The following GTF2E1 variants were observed in gnomAD, a reference collection of about 807,000 sequenced individuals.
GTF2E1 encodes TFIIE alpha subunit.
A neutral mutation model predicts 34.9 loss-of-function variants in GTF2E1; 14 were observed. That is an observed-to-expected ratio of 0.40 (90% CI 0.27 to 0.63). The LOEUF (loss-of-function observed/expected upper bound fraction) is 0.63. GTF2E1 is among the 20% of genes least tolerant of loss of function. The pLI, the probability that GTF2E1 is intolerant of heterozygous loss-of-function variation, is 0.39. For synonymous variants in GTF2E1, 188 were observed against 192.9 expected, an observed-to-expected ratio of 0.97 and a Z score of 0.21; for missense variants, 469 against 557.7, an observed-to-expected ratio of 0.84 and a Z score of 1.60.
At chr3:120,757,015 T>C (rs980818247) in intron 2 of GTF2E1, among the ~76,000 whole-genome samples, 1 of 152,230 alleles carries the variant, frequency 6.6e-6, no homozygotes. Flanking sequence ...ATTTGCTTAT[T>C]TGTGAAGAGT....
chr3:120,755,876 T>TG (rs1170049344), intron 2 of GTF2E1, among the ~76,000 whole-genome samples: 1 of 152,200 alleles, frequency 6.6e-6, no homozygotes, highest in African/African-American at 2.4e-5. Context: ...TTTATCCTTC[T>TG]GTGCCTGGCT....
At chr3:120,770,485 A>G (rs892394598) in intron 2 of GTF2E1, among the ~76,000 whole-genome samples, 1 of 152,206 alleles carries the variant, frequency 6.6e-6, no homozygotes, top group Non-Finnish European at 1.5e-5. Context: ...ATTAAAAACT[A>G]TGCTGAAGTT....
intron 2 of GTF2E1, among the ~76,000 whole-genome samples, chr3:120,754,528 G>A (rs560345578): frequency 2.6e-4 from 39 of 152,120 alleles, no homozygotes; most frequent in African/African-American, 9.4e-4. Flanking sequence ...GTATAGATAA[G>A]ATGCTTTGAA....
chr3:120,745,171 C>T (rs1310229555), intron 1 of GTF2E1, among the ~76,000 whole-genome samples: 1 of 152,148 alleles, frequency 6.6e-6, no homozygotes, highest in African/African-American at 2.4e-5. Context: ...CAAAGTGTTG[C>T]AATTACAGGT....
intron 3 of GTF2E1, among the ~76,000 whole-genome samples, chr3:120,773,387 C>G (rs1473974484): frequency 2.0e-5 from 3 of 152,030 alleles, no homozygotes; most frequent in Non-Finnish European, 4.4e-5. Flanking sequence ...GAGATGATAG[C>G]TTTTCTTTTT....
rs955340657 is a variant in GTF2E1 at position 120,782,164 on chromosome 3, T to C, written c.*694T>C. ...GCCAGGCATTCCAAACAATTTCTTA[T>C]ACTGCTGCCCACCAAAGCAGCTTGC... On this transcript the variant is annotated 3_prime_UTR_variant, in exon 5 of 5. Coordinates refer to ENST00000283875, the MANE Select transcript of GTF2E1 (RefSeq NM_005513.3). 1 of 152,216 alleles carries C rather than the reference T, an allele frequency of 6.6e-6. No individual in the cohort carries two copies. Among genetic ancestry groups the C allele is most frequent in the Non-Finnish European group, 1.5e-5 (1 of 68,044 alleles). The allele number at this position is 152,216 out of a possible 1,614,324, so 9.4% of individuals were successfully genotyped here.
intron 2 of GTF2E1, among the ~76,000 whole-genome samples, chr3:120,765,389 C>A (rs918468665): frequency 6.6e-6 from 1 of 152,086 alleles, no homozygotes; most frequent in African/African-American, 2.4e-5. Flanking sequence ...AAGACTTAGC[C>A]AAGTAAATGC....
rs777863136 is a variant in GTF2E1, at chr3:120,770,897, A to G, written c.618A>G (p.Pro206=). 6.2e-7 allele frequency: 1 copy of G among 1,613,588 alleles called. No individual in the cohort carries two copies. The highest frequency in any genetic ancestry group is 1.1e-5 in the South Asian group (1 of 91,078). ...DVNLAYEILE[P]EPTEIPALKQ... ...ACTTGGCCTATGAAATACTTGAGCC[A>G]GAACCCACAGAAATCCCAGCCCTGA... The change falls in exon 3 of 5, where the codon CCA becomes CCG. Residue 206 remains proline (P), a synonymous_variant. Transcript: ENST00000283875.
chr3:120,762,473 CTTCT>C (rs1709272683), intron 2 of GTF2E1, among the ~76,000 whole-genome samples: 1 of 152,146 alleles, frequency 6.6e-6, no homozygotes, highest in African/African-American at 2.4e-5. Context: ...ATGTAGTGGC[CTTCT>C]TTGTCTCTTT....
At chr3:120,769,272 A>C (rs1709332898) in intron 2 of GTF2E1, among the ~76,000 whole-genome samples, 2 of 151,874 alleles carry the variant, frequency 1.3e-5, no homozygotes, top group African/African-American at 4.8e-5. Flanking sequence ...ATTAAGTTAT[A>C]ATCTTTATGT....
chr3:120,753,627 G>A (rs1709185550), intron 2 of GTF2E1, among the ~76,000 whole-genome samples: 1 of 152,146 alleles, frequency 6.6e-6, no homozygotes, highest in South Asian at 2.1e-4. Flanking sequence ...ACAGGACAAA[G>A]GGTAGTAACT....
intron 2 of GTF2E1, among the ~76,000 whole-genome samples, chr3:120,753,316 CTT>C: frequency 6.6e-6 from 1 of 152,136 alleles, no homozygotes; most frequent in South Asian, 2.1e-4. Flanking sequence ...AAGGAGGGAA[CTT>C]TTTCTGCTGT....
At chr3:120,758,110 A>C (rs1356698594) in intron 2 of GTF2E1, among the ~76,000 whole-genome samples, 1 of 152,210 alleles carries the variant, frequency 6.6e-6, no homozygotes, top group African/African-American at 2.4e-5. Flanking sequence ...CAGTGAGCCA[A>C]GATCACGCCA....
At chr3:120,773,362 T>C (rs1461133955) in intron 3 of GTF2E1, among the ~76,000 whole-genome samples, 1 of 152,096 alleles carries the variant, frequency 6.6e-6, no homozygotes, top group Non-Finnish European at 1.5e-5. Flanking sequence ...ATCAATAGAA[T>C]GGTATGGGAA....
intron 1 of GTF2E1, among the ~76,000 whole-genome samples, chr3:120,749,080 G>T (rs1240634860): frequency 1.3e-5 from 2 of 152,208 alleles, no homozygotes; most frequent in East Asian, 1.9e-4. Flanking sequence ...AAGAATGCTT[G>T]TGATTTTTGT....
chr3:120,770,529 A>T (rs187874925), intron 2 of GTF2E1, among the ~76,000 whole-genome samples, 199 bp from the exon 3 acceptor site: 75 of 152,214 alleles, frequency 4.9e-4, no homozygotes, highest in African/African-American at 1.7e-3. Context: ...ATCAAAAATG[A>T]TAGATGGATA....
At chr3:120,775,726 A>G (rs566331199) in intron 3 of GTF2E1, among the ~76,000 whole-genome samples, 1 of 152,360 alleles carries the variant, frequency 6.6e-6, no homozygotes, top group African/African-American at 2.4e-5. Flanking sequence ...GCAAAATAAA[A>G]TAGACTGAGA....
At position 120,750,795 on chromosome 3, in the gene GTF2E1, T is replaced by C. The variant is rs1709158651; in HGVS notation, c.243T>C (p.Ala81=). ...AATGCAGAATGAGGGTAGAGACTGC[T>C]GCAGACGGGAAAACCACTCGCCATA... ...FIKCRMRVET[A]ADGKTTRHNY... is the part of the protein sequence containing the mutation. Residue 81 remains alanine (A), a synonymous_variant, in exon 2 of 5, where the codon GCT becomes GCC. Coordinates refer to ENST00000283875, the MANE Select transcript of GTF2E1 (RefSeq NM_005513.3). The C allele has an allele frequency of 6.2e-7, 1 of 1,614,030 alleles. No individual in the cohort carries two copies. The highest frequency in any genetic ancestry group is 8.5e-7 in the Non-Finnish European group (1 of 1,179,908).
chr3:120,756,024 T>G (rs1709205837), intron 2 of GTF2E1, among the ~76,000 whole-genome samples: 1 of 152,226 alleles, frequency 6.6e-6, no homozygotes, highest in South Asian at 2.1e-4. Flanking sequence ...GATGAACACT[T>G]AGGTTGCTTC....
Sources: gnomAD v4.1 joint callset for allele counts (sites outside exome capture counted in the v4.1 genomes callset) on GRCh38, gnomAD v4.1.1 for gene constraint, MANE v1.5 for transcripts, NCBI Gene and HGNC (gene_info 2026-07-23, HGNC 2026-07-21) for gene names.